The following ITFG1 variants were observed in gnomAD, a reference collection of about 807,000 sequenced individuals.
ITFG1 encodes T-cell immunomodulatory protein.
Under a neutral mutation model 81.8 loss-of-function variants are expected in ITFG1, and 34 were observed. That is an observed-to-expected ratio of 0.42 (90% CI 0.32 to 0.55). ITFG1 has a LOEUF of 0.55. Ranked by LOEUF, ITFG1 falls within the 20% of genes least tolerant of loss-of-function variation. The pLI is 0.17. For missense variants in ITFG1, 672 were observed against 755.4 expected, an observed-to-expected ratio of 0.89 and a Z score of 1.29; for synonymous variants, 285 against 270.6, an observed-to-expected ratio of 1.05 and a Z score of -0.52.
chr16:47,306,426 T>C (rs1967160124), intron 10 of ITFG1, among the ~76,000 whole-genome samples: 1 of 152,056 alleles, frequency 6.6e-6, no homozygotes, highest in East Asian at 1.9e-4. Context: ...AAAACCACCA[T>C]AAAAACAACT....
Position 47,260,532 on chromosome 16 carries a change from G to C in ITFG1, c.1221+13C>G. The C allele has an allele frequency of 6.2e-7, 1 of 1,613,950 alleles. No individual in the cohort carries two copies. The highest frequency in any genetic ancestry group is 1.1e-5 in the South Asian group (1 of 91,066). ...AATTAAACTTCAAACACACAGCCCA[G>C]CTCTGAACTCACATCTTCGTAAATG... On this transcript the variant is annotated intron_variant, in intron 11 of 17. Coordinates refer to ENST00000320640, the MANE Select transcript of ITFG1 (RefSeq NM_030790.5).
At chr16:47,376,907 T>G (rs1186413312) in intron 6 of ITFG1, among the ~76,000 whole-genome samples, 1 of 132,264 alleles carries the variant, frequency 7.6e-6, no homozygotes, top group South Asian at 2.3e-4. Flanking sequence ...AGGCGGAGGT[T>G]GCAGTGAGCC....
At chr16:47,262,602 A>G (rs1344666564) in intron 10 of ITFG1, 2 of 152,250 alleles carry the variant, frequency 1.3e-5, no homozygotes, top group African/African-American at 2.4e-5. Flanking sequence ...ATATTTCATT[A>G]TTATAAGTCT....
At chr16:47,337,463 G>C (rs1319802313) in intron 8 of ITFG1, among the ~76,000 whole-genome samples, 1 of 152,054 alleles carries the variant, frequency 6.6e-6, no homozygotes, top group East Asian at 1.9e-4. Flanking sequence ...CCAGCTACTG[G>C]GGAGGCTGAA....
chr16:47,237,675 T>G (rs1965891980), intron 13 of ITFG1, among the ~76,000 whole-genome samples: 1 of 152,148 alleles, frequency 6.6e-6, no homozygotes, highest in African/African-American at 2.4e-5. Context: ...GCATCTAATC[T>G]AAACAAGTGT....
chr16:47,234,895 G>A (rs1965856869), intron 13 of ITFG1, among the ~76,000 whole-genome samples: 1 of 152,148 alleles, frequency 6.6e-6, no homozygotes, highest in Non-Finnish European at 1.5e-5. Flanking sequence ...TAGTGACAGT[G>A]AATTCTCAGG....
At chr16:47,163,609 T>C (rs1964842518) in intron 14 of ITFG1, among the ~76,000 whole-genome samples, 1 of 152,232 alleles carries the variant, frequency 6.6e-6, no homozygotes, top group African/African-American at 2.4e-5. Context: ...AACATTCATA[T>C]ACAGGTTTAT....
intron 8 of ITFG1, among the ~76,000 whole-genome samples, chr16:47,327,867 T>C (rs964902075): frequency 6.6e-6 from 1 of 152,182 alleles, no homozygotes; most frequent in African/African-American, 2.4e-5. Flanking sequence ...ACACTTACAC[T>C]GTTGGTGGGA....
intron 10 of ITFG1, among the ~76,000 whole-genome samples, chr16:47,287,971 T>TC (rs1966876679): frequency 6.6e-6 from 1 of 152,224 alleles, no homozygotes; most frequent in Non-Finnish European, 1.5e-5. Flanking sequence ...TATAAGAACT[T>TC]CAACTGCTGA....
chr16:47,348,581 T>C (rs1967896622), intron 8 of ITFG1, among the ~76,000 whole-genome samples: 1 of 152,196 alleles, frequency 6.6e-6, no homozygotes, highest in South Asian at 2.1e-4. Flanking sequence ...AATCTACGTC[T>C]GAATGGTGTA....
intron 6 of ITFG1, among the ~76,000 whole-genome samples, chr16:47,406,527 T>G (rs1968731321): frequency 6.6e-6 from 1 of 152,186 alleles, no homozygotes; most frequent in South Asian, 2.1e-4. Flanking sequence ...GTCCTTAAGG[T>G]TCTCTTTTCT....
At chr16:47,255,921 C>T (rs755871941) in intron 12 of ITFG1, among the ~76,000 whole-genome samples, 64 of 152,008 alleles carry the variant, frequency 4.2e-4, no homozygotes, top group Non-Finnish European at 8.4e-4. Flanking sequence ...CGCTGCTTTT[C>T]ACCAAGAAGG....
At chr16:47,387,859 G>T (rs1018597545) in intron 6 of ITFG1, among the ~76,000 whole-genome samples, 1 of 151,732 alleles carries the variant, frequency 6.6e-6, no homozygotes, top group African/African-American at 2.4e-5. Flanking sequence ...CCAAAAACCT[G>T]GCAACAGACA....
At chr16:47,264,852 A>G (rs964462944) in intron 10 of ITFG1, among the ~76,000 whole-genome samples, 1 of 152,178 alleles carries the variant, frequency 6.6e-6, no homozygotes, top group African/African-American at 2.4e-5. Flanking sequence ...GCTGAGTATT[A>G]CATTTATGTT....
chr16:47,339,195 A>G (rs1967748689), intron 8 of ITFG1, among the ~76,000 whole-genome samples: 1 of 152,186 alleles, frequency 6.6e-6, no homozygotes, highest in Non-Finnish European at 1.5e-5. Context: ...TTCTTTATCC[A>G]TTCATCTGTT....
At chr16:47,224,935 G>A (rs1379935090) in intron 13 of ITFG1, among the ~76,000 whole-genome samples, 2 of 152,142 alleles carry the variant, frequency 1.3e-5, no homozygotes, top group African/African-American at 4.8e-5. Context: ...GGAGGTTGAG[G>A]CTGTAGTGAG....
chr16:47,326,948 T>G (rs1349708146), intron 8 of ITFG1, among the ~76,000 whole-genome samples: 1 of 152,116 alleles, frequency 6.6e-6, no homozygotes, highest in Non-Finnish European at 1.5e-5. Flanking sequence ...TACCAATGAC[T>G]TTCTTCACAG....
chr16:47,350,956 A>T, intron 8 of ITFG1, among the ~76,000 whole-genome samples: 1 of 152,216 alleles, frequency 6.6e-6, no homozygotes, highest in Admixed American at 6.5e-5. Context: ...AGAACCAAAG[A>T]CAAAACCACG....
At chr16:47,328,955 C>T (rs1447789046) in intron 8 of ITFG1, among the ~76,000 whole-genome samples, 2 of 152,136 alleles carry the variant, frequency 1.3e-5, no homozygotes, top group Non-Finnish European at 2.9e-5. Context: ...GGCTGCTAGT[C>T]TCTTCGTCAG....
Sources: allele counts gnomAD v4.1 joint callset (sites outside exome capture counted in the v4.1 genomes callset), GRCh38; gene constraint gnomAD v4.1.1; transcripts MANE v1.5; gene names NCBI Gene and HGNC (gene_info 2026-07-23, HGNC 2026-07-21).